CSMD1: variants seen among roughly 807,000 people sequenced by gnomAD.
CSMD1 encodes CUB and sushi domain-containing protein 1.
CSMD1 carries 213 observed loss-of-function variants against 417.5 expected under a neutral mutation model. The ratio of observed to expected loss-of-function variants is 0.51; its 90% CI spans 0.46 to 0.57. The LOEUF is 0.57. CSMD1 is among the 20% of genes least tolerant of loss of function. The pLI is 0.00. For missense variants in CSMD1, 6,923 were observed against 4,529.7 expected (o/e 1.53, Z -15.17); for synonymous variants, 2,862 against 1,736.8 (o/e 1.65, Z -16.11).
rs76981587 is a variant in CSMD1 at position 3,115,079 on chromosome 8, A to G, written c.6430+3320T>C. Among the ~76,000 whole-genome samples, 523 of 152,226 alleles carry G rather than the reference A, an allele frequency of 3.4e-3. 10 individuals are homozygous for G. The South Asian group carries it at 0.049, about 14-fold the overall frequency. On this transcript the variant is annotated intron_variant, in intron 42 of 69. Coordinates refer to ENST00000635120, the MANE Select transcript of CSMD1 (RefSeq NM_033225.6). ...TGTTAAATGATTAATTAGGTCAGCA[A>G]AATATTTTAAATTGTTGAACTATAT... is the stretch of plus-strand genomic sequence containing the variant.
At chr8:4,131,387 C>G (rs1803093551) in intron 3 of CSMD1, among the ~76,000 whole-genome samples, 1 of 152,160 alleles carries the variant, frequency 6.6e-6, no homozygotes, top group African/African-American at 2.4e-5. Flanking sequence ...AATCACATCC[C>G]TTAAGCCTTC....
intron 37 of CSMD1, among the ~76,000 whole-genome samples, chr8:3,180,637 T>C (rs1821263832): frequency 6.6e-6 from 1 of 152,082 alleles, no homozygotes. Context: ...ATTTCTTTTG[T>C]TTGTTTGTTT....
chr8:4,041,383 G>C (rs970431374), intron 3 of CSMD1, among the ~76,000 whole-genome samples: 4 of 152,090 alleles, frequency 2.6e-5, no homozygotes, highest in African/African-American at 4.8e-5. Flanking sequence ...ACTATGACAA[G>C]AATTGTTAAA....
At chr8:4,362,228 C>G (rs960799902) in intron 3 of CSMD1, among the ~76,000 whole-genome samples, 4 of 152,070 alleles carry the variant, frequency 2.6e-5, no homozygotes, top group East Asian at 1.9e-4. Context: ...GAGATTTTAA[C>G]AAAAGACTTG....
intron 2 of CSMD1, among the ~76,000 whole-genome samples, chr8:4,476,627 T>C (rs1800817446): frequency 6.6e-6 from 1 of 152,174 alleles, no homozygotes; most frequent in African/African-American, 2.4e-5. Context: ...AGACTGCCTT[T>C]AGAAATAGCA....
At chr8:4,472,744 C>T (rs377437643) in intron 2 of CSMD1, among the ~76,000 whole-genome samples, 22 of 151,896 alleles carry the variant, frequency 1.4e-4, no homozygotes, top group East Asian at 1.4e-3. Context: ...TAACTGTGGA[C>T]GTTCACTTCT....
intron 8 of CSMD1, among the ~76,000 whole-genome samples, chr8:3,606,029 C>T (rs1233558111): frequency 3.3e-5 from 5 of 152,118 alleles, no homozygotes; most frequent in Admixed American, 3.3e-4. Flanking sequence ...CCCTTTCCTA[C>T]AAAATCACAT....
At chr8:4,536,426 C>G (rs1797105948) in intron 2 of CSMD1, among the ~76,000 whole-genome samples, 1 of 152,028 alleles carries the variant, frequency 6.6e-6, no homozygotes, top group African/African-American at 2.4e-5. Context: ...GGTATGGATA[C>G]TCTCAGCCAT....
At chr8:3,975,922 A>C (rs1007342854) in intron 5 of CSMD1, among the ~76,000 whole-genome samples, 2 of 152,182 alleles carry the variant, frequency 1.3e-5, no homozygotes, top group African/African-American at 4.8e-5. Flanking sequence ...AGTTTCATAA[A>C]AGTTATTTGC....
At chr8:4,964,008 T>C (rs1809685796) in intron 1 of CSMD1, among the ~76,000 whole-genome samples, 3 of 152,050 alleles carry the variant, frequency 2.0e-5, no homozygotes, top group South Asian at 4.1e-4. Flanking sequence ...ATATGGCACA[T>C]GTGAAGAACA....
intron 2 of CSMD1, among the ~76,000 whole-genome samples, chr8:4,486,060 G>A (rs1388134379): frequency 3.4e-5 from 5 of 148,948 alleles, no homozygotes; most frequent in Non-Finnish European, 1.5e-5. Context: ...TAATATCTAA[G>A]TATTAAAATT....
rs189512180 is a variant in CSMD1 at position 3,898,287 on chromosome 8, C to A, written c.818+99616G>T. ...GAAGCATGAATACAACCAAAAAAAA[C>A]CCAACATTTGAACAATTCAAGGACA... On this transcript the variant is annotated intron_variant, in intron 5 of 69. Coordinates refer to ENST00000635120, the MANE Select transcript of CSMD1 (RefSeq NM_033225.6). Among the ~76,000 whole-genome samples the A allele has an allele frequency of 1.0e-3, 159 of 152,196 alleles. 1 individual carries two copies. The highest frequency in any genetic ancestry group is 3.5e-3 in the African/African-American group (146 of 41,542).
In CSMD1 at chr8:3,766,441, C is replaced by A. The variant is rs1434682213; in HGVS notation, c.819-12399G>T. On this transcript the variant is annotated intron_variant, in intron 5 of 69. Transcript: ENST00000635120. ...CAATGTCCTGGTACCTGGGTTACTA[C>A]TGTCTGTGAAGACAGGCCTCTCAGG... Among the ~76,000 whole-genome samples, 4 of 152,312 alleles carry A rather than the reference C, an allele frequency of 2.6e-5. No homozygotes were observed. In the South Asian group the frequency reaches 6.2e-4, roughly 24 times the overall value.
chr8:4,179,519 C>A (rs1281522408), intron 3 of CSMD1, among the ~76,000 whole-genome samples: 2 of 150,356 alleles, frequency 1.3e-5, no homozygotes, highest in African/African-American at 4.9e-5. Context: ...TAGGCATGGG[C>A]AAAGACTTCA....
At chr8:4,107,043 C>T (rs1031357836) in intron 3 of CSMD1, among the ~76,000 whole-genome samples, 4 of 152,176 alleles carry the variant, frequency 2.6e-5, no homozygotes, top group Admixed American at 1.3e-4. Context: ...ACATATCACG[C>T]GGCACATCTC....
chr8:3,517,524 C>G (rs1797331732), intron 10 of CSMD1, among the ~76,000 whole-genome samples: 1 of 152,138 alleles, frequency 6.6e-6, no homozygotes, highest in African/African-American at 2.4e-5. Flanking sequence ...GTTCCAATGT[C>G]ACACAAGTCC....
chr8:3,714,327 C>T (rs1203840303), intron 6 of CSMD1, among the ~76,000 whole-genome samples: 2 of 150,710 alleles, frequency 1.3e-5, no homozygotes, highest in Non-Finnish European at 3.0e-5. Flanking sequence ...ATTCCATAAG[C>T]TACTAATCTT....
intron 2 of CSMD1, among the ~76,000 whole-genome samples, chr8:4,522,040 G>C (rs572699486): frequency 6.6e-6 from 1 of 152,116 alleles, no homozygotes; most frequent in East Asian, 1.9e-4. Context: ...TCATTGATAC[G>C]GTTTGGCTGT....
chr8:3,276,407 C>T (rs1802293974), intron 26 of CSMD1, among the ~76,000 whole-genome samples: 1 of 152,204 alleles, frequency 6.6e-6, no homozygotes, highest in African/African-American at 2.4e-5. Flanking sequence ...CCTATTCGTT[C>T]ATCTTGGCTT....
Sources: gnomAD v4.1 joint callset for allele counts (sites outside exome capture counted in the v4.1 genomes callset) on GRCh38, gnomAD v4.1.1 for gene constraint, MANE v1.5 for transcripts, NCBI Gene and HGNC (gene_info 2026-07-23, HGNC 2026-07-21) for gene names.